CAPSL: variants seen among roughly 807,000 people sequenced by gnomAD.
CAPSL encodes calcyphosin-like protein.
In CAPSL, 17 loss-of-function variants were observed where a neutral mutation model predicts 21.3. The observed-to-expected ratio is 0.80, with a 90% CI of 0.55 to 1.20. The LOEUF is 1.20. Ranked by LOEUF, CAPSL falls within the 50% of genes most tolerant of loss-of-function variation. CAPSL has a pLI of 0.00. For synonymous variants in CAPSL, 102 were observed against 89.3 expected, an observed-to-expected ratio of 1.14 and a Z score of -0.80; for missense variants, 289 against 259.3, an observed-to-expected ratio of 1.11 and a Z score of -0.79.
intron 1 of CAPSL, among the ~76,000 whole-genome samples, chr5:35,927,903 C>A (rs577781356): frequency 6.6e-6 from 1 of 152,300 alleles, no homozygotes; most frequent in South Asian, 2.1e-4. Context: ...GGAAAATGCC[C>A]TTCTAAAATA....
chr5:35,909,303 A>G (rs982095153), intron 4 of CAPSL, among the ~76,000 whole-genome samples: 3 of 152,194 alleles, frequency 2.0e-5, no homozygotes, highest in Non-Finnish European at 4.4e-5. Context: ...AAAGCACACT[A>G]AAGAATAAAT....
chr5:35,922,699 A>G (rs775093769), intron 1 of CAPSL, among the ~76,000 whole-genome samples: 26 of 152,118 alleles, frequency 1.7e-4, no homozygotes, highest in Non-Finnish European at 3.2e-4. Flanking sequence ...TCCAACAGGG[A>G]CACCTGCAGC....
chr5:35,909,645 G>A (rs888504719), intron 4 of CAPSL, among the ~76,000 whole-genome samples: 1 of 152,138 alleles, frequency 6.6e-6, no homozygotes, highest in Non-Finnish European at 1.5e-5. Flanking sequence ...ATATGTCTAT[G>A]AGTGTGTGCG....
At chr5:35,920,898 C>T in intron 2 of CAPSL, 86 bp downstream of exon 2, 1 of 1,458,526 alleles carries the variant, frequency 6.9e-7, no homozygotes, top group Non-Finnish European at 9.3e-7. Context: ...AGATGACTTC[C>T]CCAAGACCAC....
At chr5:35,920,464 C>T (rs1738508142) in intron 2 of CAPSL, among the ~76,000 whole-genome samples, 1 of 152,166 alleles carries the variant, frequency 6.6e-6, no homozygotes, top group African/African-American at 2.4e-5. Flanking sequence ...TATTCACACT[C>T]AGAGGACAGA....
At chr5:35,905,387 G>A (rs1760652666) in intron 4 of CAPSL, among the ~76,000 whole-genome samples, 1 of 152,140 alleles carries the variant, frequency 6.6e-6, no homozygotes, top group Non-Finnish European at 1.5e-5. Flanking sequence ...GACATGATCG[G>A]TTGGGGACAT....
intron 2 of CAPSL, among the ~76,000 whole-genome samples, chr5:35,912,455 C>T (rs890633552): frequency 2.0e-5 from 3 of 152,164 alleles, no homozygotes; most frequent in African/African-American, 4.8e-5. Context: ...CTGGGAGGCA[C>T]CCCCCAGTAG....
intron 2 of CAPSL, among the ~76,000 whole-genome samples, chr5:35,920,172 C>G (rs1048034962): frequency 6.6e-6 from 1 of 152,116 alleles, no homozygotes; most frequent in Admixed American, 6.5e-5. Context: ...TGAAGCCTTC[C>G]GCATCTTCTG....
intron 2 of CAPSL, among the ~76,000 whole-genome samples, chr5:35,912,996 T>C (rs536333737): frequency 3.9e-5 from 6 of 151,970 alleles, no homozygotes; most frequent in Non-Finnish European, 8.8e-5. Context: ...AGAAAACCAC[T>C]GCAGAGAAGT....
intron 2 of CAPSL, among the ~76,000 whole-genome samples, chr5:35,919,652 G>A (rs1738484716): frequency 6.6e-6 from 1 of 152,192 alleles, no homozygotes; most frequent in African/African-American, 2.4e-5. Flanking sequence ...TTTGGAGTTA[G>A]ACTGAAGGAG....
intron 2 of CAPSL, among the ~76,000 whole-genome samples, chr5:35,911,770 A>AAC (rs1738229324): frequency 1.3e-5 from 2 of 152,348 alleles, no homozygotes; most frequent in African/African-American, 4.8e-5. Context: ...AAATAGGAAC[A>AAC]GCTCCAGTCT....
chr5:35,933,235 T>A (rs998891584), intron 1 of CAPSL, among the ~76,000 whole-genome samples: 2 of 152,114 alleles, frequency 1.3e-5, no homozygotes, highest in Non-Finnish European at 2.9e-5. Context: ...GCTAAAAGGG[T>A]GGCCTGTGTT....
intron 2 of CAPSL, among the ~76,000 whole-genome samples, chr5:35,915,858 G>A (rs1488843656): frequency 6.6e-6 from 1 of 152,190 alleles, no homozygotes; most frequent in South Asian, 2.1e-4. Context: ...GGAAGTTGTG[G>A]CCAGAGCAAT....
intron 1 of CAPSL, among the ~76,000 whole-genome samples, chr5:35,921,457 T>G (rs910579359): frequency 3.9e-5 from 6 of 152,226 alleles, no homozygotes; most frequent in Non-Finnish European, 8.8e-5. Context: ...ATATACCATA[T>G]TATTTTATGT....
At chr5:35,937,116 C>A (rs978222474) in intron 1 of CAPSL, among the ~76,000 whole-genome samples, 3 of 152,196 alleles carry the variant, frequency 2.0e-5, no homozygotes, top group Non-Finnish European at 4.4e-5. Context: ...GATACTGACT[C>A]AGCCTAGGAC....
chr5:35,917,704 C>T (rs1168034876), intron 2 of CAPSL, among the ~76,000 whole-genome samples: 3 of 152,048 alleles, frequency 2.0e-5, no homozygotes, highest in African/African-American at 4.8e-5. Flanking sequence ...CATCACACAC[C>T]GGTGCCTGTT....
chr5:35,915,873 C>G (rs879771060), intron 2 of CAPSL, among the ~76,000 whole-genome samples: 38 of 152,194 alleles, frequency 2.5e-4, no homozygotes, highest in Admixed American at 2.5e-3. Context: ...AGCAATCAGA[C>G]AGGAGCAGGA....
intron 1 of CAPSL, among the ~76,000 whole-genome samples, chr5:35,923,401 C>T (rs962239423): frequency 2.6e-5 from 4 of 152,138 alleles, no homozygotes; most frequent in African/African-American, 9.7e-5. Flanking sequence ...CCACAAAAAC[C>T]CCTTGAGTTG....
intron 1 of CAPSL, among the ~76,000 whole-genome samples, chr5:35,923,789 T>C (rs556278295): frequency 6.6e-5 from 10 of 152,328 alleles, no homozygotes; most frequent in Admixed American, 6.5e-4. Context: ...AATGTAAAGT[T>C]TCCTTCAGGG....
Sources: gnomAD v4.1 joint callset for allele counts (sites outside exome capture counted in the v4.1 genomes callset) on GRCh38, gnomAD v4.1.1 for gene constraint, MANE v1.5 for transcripts, NCBI Gene and HGNC (gene_info 2026-07-23, HGNC 2026-07-21) for gene names.